SCAF1: variants seen among roughly 807,000 people sequenced by gnomAD.
The protein encoded by SCAF1 is splicing factor, arginine/serine-rich 19.
SCAF1 carries 28 observed loss-of-function variants against 91.2 expected under a neutral mutation model. The ratio of observed to expected loss-of-function variants is 0.31; its 90% confidence interval spans 0.23 to 0.42. SCAF1 has a LOEUF of 0.42. Among genes scored for constraint, SCAF1 ranks in the 10% least tolerant of loss-of-function variants. The pLI is 1.00. For synonymous variants in SCAF1, 1,036 were observed against 833.7 expected, an observed-to-expected ratio of 1.24 and a Z score of -4.18; for missense variants, 1,893 against 1,872.1, an observed-to-expected ratio of 1.01 and a Z score of -0.21.
Position 49,652,952 on chromosome 19 carries a change from G to C in SCAF1, c.2563G>C (p.Ala855Pro). The change falls in exon 7 of 11, where the codon GCG (alanine) becomes CCG (proline). Residue 855 changes from alanine (A) to proline (P), a missense_variant. By Grantham distance (27) the Ala-to-Pro change is conservative. Coordinates refer to ENST00000360565, the MANE Select transcript of SCAF1 (RefSeq NM_021228.3). ...VSSTTPAKDA[A>P]SAGLGSIGVK... Reference sequence around the variant, plus strand: ...CAGCACCACCCCGGCCAAGGATGCCGCGTCAGCCGGCCTGGGCTCCATTGG... The same window carrying C: ...CAGCACCACCCCGGCCAAGGATGCCCCGTCAGCCGGCCTGGGCTCCATTGG... 6.2e-7 allele frequency: 1 copy of C among 1,613,868 alleles called. No individual in the cohort carries two copies. Among genetic ancestry groups the C allele is most frequent in the African/African-American group, 1.3e-5 (1 of 75,052 alleles).
At chr19:49,654,594 C>G in intron 8 of SCAF1, 58 bp from the exon 9 acceptor site, 2 of 1,399,864 alleles carry the variant, frequency 1.4e-6, no homozygotes, top group Non-Finnish European at 2.0e-6. Context: ...GTGGGGTGCA[C>G]GTCCCCTCTT....
chr19:49,655,342 C>G (rs1014471237), intron 9 of SCAF1, among the ~76,000 whole-genome samples: 12 of 152,114 alleles, frequency 7.9e-5, no homozygotes, highest in Admixed American at 5.9e-4. Context: ...CTGTTTCTCT[C>G]TTGGTCAGGT....
At chr19:49,658,079 G>C in intron 10 of SCAF1, 129 bp from the exon 11 acceptor site, 1 of 1,225,878 alleles carries the variant, frequency 8.2e-7, no homozygotes, top group South Asian at 1.5e-5. Flanking sequence ...TCGTCTAGGG[G>C]GACAGAGGGA....
chr19:49,640,984 A>G (rs2081023329), upstream of SCAF1, among the ~76,000 whole-genome samples: 3 of 152,224 alleles, frequency 2.0e-5, no homozygotes, highest in South Asian at 6.2e-4. Context: ...GGAGGAAGGT[A>G]GACAGGTTCC....
rs530939657 is a variant in SCAF1 at position 49,652,507 on chromosome 19, G to A, written c.2118G>A (p.Thr706=). 5.7e-6 allele frequency: 9 copies of A among 1,581,802 alleles called. No homozygotes were observed. Among genetic ancestry groups the A allele is most frequent in the South Asian group, 2.3e-5 (2 of 87,086 alleles). The change falls in exon 7 of 11, where the codon ACG becomes ACA. Residue 706 remains threonine (T), a synonymous_variant. Coordinates refer to ENST00000360565, the MANE Select transcript of SCAF1 (RefSeq NM_021228.3). ...HDLFAIKRTI[T]VGRLDKSDPR... ...TCTTCGCCATCAAGCGGACCATCAC[G>A]GTGGGCCGGCTTGACAAGTCCGACC...
chr19:49,650,393 T>C (rs961412082), intron 6 of SCAF1, among the ~76,000 whole-genome samples: 8 of 152,112 alleles, frequency 5.3e-5, no homozygotes, highest in African/African-American at 1.9e-4. Flanking sequence ...ATCCCAGCTC[T>C]CCCCCTGCAG....
intron 6 of SCAF1, among the ~76,000 whole-genome samples, chr19:49,648,770 A>T (rs542133156): frequency 6.6e-6 from 1 of 152,032 alleles, no homozygotes; most frequent in South Asian, 2.1e-4. Context: ...CAAGAGATTG[A>T]GACCATCCTG....
At chr19:49,653,744 G>C in intron 7 of SCAF1, 39 bp downstream of exon 7, 1 of 1,470,858 alleles carries the variant, frequency 6.8e-7, no homozygotes, top group South Asian at 1.4e-5. Context: ...TGGGGCAGGT[G>C]AGACAGGATG....
At position 49,651,891 on chromosome 19, in the gene SCAF1, C is replaced by G. The variant is rs1246152341; in HGVS notation, c.1502C>G (p.Pro501Arg). The stretch of plus-strand genomic sequence containing the variant: ...CGCTACCGCCAGCGCTCGCCCTCCC[C>G]GGCGCCCGCGCCCGCCCCGGCCGCC... ...RERYRQRSPS[P>R]APAPAPAAAA... The change falls in exon 7 of 11, where the codon CCG (proline) becomes CGG (arginine). Residue 501 changes from proline (P) to arginine (R), a missense_variant. This residue lies in a region of SCAF1 where 1,436 missense variants were observed against 1,306.8 expected (regional missense o/e 1.10). Transcript: ENST00000360565. 3 of 1,181,342 alleles carry G rather than the reference C, an allele frequency of 2.5e-6. No individual in the cohort carries two copies. The highest frequency in any genetic ancestry group is 1.0e-4 in the Admixed American group (2 of 19,830). The allele number at this position is 1,181,342 out of a possible 1,614,324, so 73.2% of individuals were successfully genotyped here.
rs968047879 is a variant in SCAF1, at chr19:49,652,136, A to T, written c.1747A>T (p.Thr583Ser). The change falls in exon 7 of 11, where the codon ACC (threonine) becomes TCC (serine). Residue 583 changes from threonine (T) to serine (S), a missense_variant. Physicochemically the swap from Thr to Ser is moderately conservative, Grantham distance 58. Transcript: ENST00000360565. ...RSRSRSRSRS[T>S]RRRSRSTDRR... is the part of the protein sequence containing the mutation. ...CCGCTCCCGCTCCCGCTCCCGCTCC[A>T]CCCGCCGCCGCTCGCGCAGCACCGA... The T allele has an allele frequency of 9.3e-7, 1 of 1,073,286 alleles. No individual in the cohort carries two copies. The highest frequency in any genetic ancestry group is 1.1e-6 in the Non-Finnish European group (1 of 886,304). The allele number at this position is 1,073,286 out of a possible 1,614,324, so 66.5% of individuals were successfully genotyped here.
rs1350943962 is a variant in SCAF1 at position 49,642,317 on chromosome 19, T to C, written c.-7+75T>C. 6.6e-6 allele frequency: 1 copy of C among 151,990 alleles called. No individual in the cohort carries two copies. The highest frequency in any genetic ancestry group is 2.4e-5 in the African/African-American group (1 of 41,360). 9.4% of individuals were successfully genotyped at this position (151,990 alleles called of 1,614,324 possible). The stretch of plus-strand genomic sequence containing the variant: ...GGGCGGGGCGGAGTTGGGTCGCTAG[T>C]TGTCCCGGGGTCCTCCCCACAAGCC... On this transcript the variant is annotated intron_variant, in intron 1 of 10. Coordinates refer to ENST00000360565, the MANE Select transcript of SCAF1 (RefSeq NM_021228.3). The surrounding 1 kb of genome is among the most constrained non-coding windows in gnomAD (Gnocchi z 4.0).
At position 49,658,191 on chromosome 19, in the gene SCAF1, T is replaced by C. The variant is rs553423879; in HGVS notation, c.3748-17T>C. On this transcript the variant is annotated splice_polypyrimidine_tract_variant and intron_variant, in intron 10 of 10. Transcript: ENST00000360565. ...CCGGGAGCCTGGTGGTGACTCCAAC[T>C]GTCCCCGGCCCCCCAGATCTGCCAC... 5.0e-6 allele frequency: 8 copies of C among 1,606,030 alleles called. No homozygotes were observed. In the South Asian group the frequency reaches 8.8e-5, roughly 18 times the overall value.
chr19:49,656,239 G>A (rs561962938), intron 9 of SCAF1, among the ~76,000 whole-genome samples: 6 of 152,270 alleles, frequency 3.9e-5, no homozygotes, highest in South Asian at 2.1e-4. Flanking sequence ...TTGCCCATCC[G>A]AGATGGGTGT....
rs1184254853 is a variant in SCAF1 at position 49,652,098 on chromosome 19, C to CCCG, written c.1717_1719dup (p.Arg573dup). The CCCG allele has an allele frequency of 2.6e-6, 3 of 1,137,950 alleles. No homozygotes were observed. Among genetic ancestry groups the CCCG allele is most frequent in the Non-Finnish European group, 3.2e-6 (3 of 929,986 alleles). The allele number at this position is 1,137,950 out of a possible 1,614,324, so 70.5% of individuals were successfully genotyped here. On this transcript the variant is annotated inframe_insertion, in exon 7 of 11. Coordinates refer to ENST00000360565, the MANE Select transcript of SCAF1 (RefSeq NM_021228.3). Reference sequence around the variant, plus strand: ...CCCGGCTCCCACGCCTCGTCGTCCGCCCGCCGCCGCTCCCGCTCCCGCTCC... The same window carrying CCCG: ...CCCGGCTCCCACGCCTCGTCGTCCGCCCGCCGCCGCCGCTCCCGCTCCCGCTCC...
Position 49,651,991 on chromosome 19 carries a change from G to A in SCAF1, c.1602G>A (p.Ser534=), listed in dbSNP as rs533268000. 51 of 1,197,664 alleles carry A rather than the reference G, an allele frequency of 4.3e-5. 1 individual carries two copies. In the African/African-American group the frequency reaches 6.1e-4, roughly 14 times the overall value. The allele number at this position is 1,197,664 out of a possible 1,614,324, so 74.2% of individuals were successfully genotyped here. Residue 534 remains serine (S), a synonymous_variant, in exon 7 of 11, where the codon TCG becomes TCA. Coordinates refer to ENST00000360565, the MANE Select transcript of SCAF1 (RefSeq NM_021228.3). ...KRSGEAKEAA[S]SSSGTQPAPP... ...GCGGCGAGGCCAAGGAGGCCGCCTC[G>A]TCCTCGTCGGGCACCCAGCCAGCGC...
intron 1 of SCAF1, among the ~76,000 whole-genome samples, chr19:49,643,662 A>G (rs2081039306): frequency 6.6e-6 from 1 of 152,236 alleles, no homozygotes. Context: ...GCCTGTAGTC[A>G]GCAGATGTTG....
rs754907754 is a variant in SCAF1, at chr19:49,657,880, C to T, written c.3738C>T (p.Ala1246=). ...KEEYKDILRK[A]VHKICHSKSG... is the part of the protein sequence containing the mutation. ...AGTACAAGGACATCCTGAGGAAGGC[C>T]GTCCACAAGGTGGGCACCCGGAGAG... is the stretch of plus-strand genomic sequence containing the variant. The change falls in exon 10 of 11, where the codon GCC becomes GCT. Residue 1246 remains alanine, a synonymous_variant. Transcript: ENST00000360565. 1.7e-5 allele frequency: 28 copies of T among 1,611,084 alleles called. No individual in the cohort carries two copies. The highest frequency in any genetic ancestry group is 9.3e-5 in the African/African-American group (7 of 74,880).
In SCAF1 at chr19:49,651,976, CA is replaced by C. The variant is rs1409751887; in HGVS notation, c.1589del (p.Lys530ArgfsTer208). 8.3e-7 allele frequency: 1 copy of C among 1,198,850 alleles called. No homozygotes were observed. The highest frequency in any genetic ancestry group is 1.0e-6 in the Non-Finnish European group (1 of 956,046). 74.3% of individuals were successfully genotyped at this position (1,198,850 alleles called of 1,614,324 possible). On this transcript the variant is annotated frameshift_variant, in exon 7 of 11. Transcript: ENST00000360565. LOFTEE classifies it high-confidence loss of function. ...RRERKRSGEA[K>X]EAASSSSGTQ... Reference sequence around the variant, plus strand: ...GGGAACGCAAGCGCAGCGGCGAGGCCAAGGAGGCCGCCTCGTCCTCGTCGGG... The same window carrying C: ...GGGAACGCAAGCGCAGCGGCGAGGCCAGGAGGCCGCCTCGTCCTCGTCGGG...
At chr19:49,641,966 C>T (rs2081028628), upstream of SCAF1, among the ~76,000 whole-genome samples, 1 of 152,250 alleles carries the variant, frequency 6.6e-6, no homozygotes, top group Non-Finnish European at 1.5e-5. Context: ...GCCCACTTCA[C>T]CTCTCACCCC....
Sources: allele counts gnomAD v4.1 joint callset (sites outside exome capture counted in the v4.1 genomes callset), GRCh38; gene constraint gnomAD v4.1.1; regional missense constraint gnomAD v4.1.1; non-coding constraint Gnocchi (gnomAD v3.1); transcripts MANE v1.5; gene names NCBI Gene and HGNC (gene_info 2026-07-23, HGNC 2026-07-21).